CAMK1D: variants seen among roughly 807,000 people sequenced by gnomAD.
CAMK1D encodes the protein calcium/calmodulin-dependent protein kinase type 1D.
In CAMK1D, 9 loss-of-function variants were observed where a neutral mutation model predicts 47.7. That is an observed-to-expected ratio of 0.19 (90% CI 0.11 to 0.33). The LOEUF is 0.33. Ranked by LOEUF, CAMK1D falls within the 10% of genes least tolerant of loss-of-function variation. CAMK1D has a pLI of 1.00. For synonymous variants in CAMK1D, 184 were observed against 184.9 expected, an observed-to-expected ratio of 0.99 and a Z score of 0.04; for missense variants, 291 against 488.7, an observed-to-expected ratio of 0.60 and a Z score of 3.81.
At chr10:12,816,372 A>G in intron 8 of CAMK1D, 44 bp downstream of exon 8, 1 of 1,513,830 alleles carries the variant, frequency 6.6e-7, no homozygotes, top group Non-Finnish European at 9.1e-7. Context: ...ATTTAATGCC[A>G]TCTGGGGGGG....
At chr10:12,559,193 C>A (rs559096277) in intron 2 of CAMK1D, among the ~76,000 whole-genome samples, 40 of 152,012 alleles carry the variant, frequency 2.6e-4, no homozygotes, top group Non-Finnish European at 4.7e-4. Flanking sequence ...GTAGTCCCAT[C>A]TACTCTGGAG....
At chr10:12,657,263 A>G (rs1303718237) in intron 2 of CAMK1D, among the ~76,000 whole-genome samples, 6 of 152,010 alleles carry the variant, frequency 3.9e-5, no homozygotes, top group Non-Finnish European at 8.8e-5. Flanking sequence ...CGTCTCTACT[A>G]AAAATACAAA....
chr10:12,484,781 G>A (rs929250298), intron 1 of CAMK1D, among the ~76,000 whole-genome samples: 1 of 151,086 alleles, frequency 6.6e-6, no homozygotes, highest in Non-Finnish European at 1.5e-5. Context: ...TGTGACTCCA[G>A]TGGAGAGGCC....
intron 3 of CAMK1D, among the ~76,000 whole-genome samples, chr10:12,668,332 G>GT (rs1840497849): frequency 6.6e-6 from 1 of 152,154 alleles, no homozygotes; most frequent in Non-Finnish European, 1.5e-5. Context: ...TTAAATGTGT[G>GT]TTTTTTCATT....
intron 2 of CAMK1D, among the ~76,000 whole-genome samples, chr10:12,567,288 C>T (rs12569767): frequency 6.6e-6 from 1 of 152,182 alleles, no homozygotes; most frequent in Non-Finnish European, 1.5e-5. Flanking sequence ...CTGTTTGATC[C>T]TTTGCTTTCT....
chr10:12,797,078 C>T (rs1253245384), intron 6 of CAMK1D, among the ~76,000 whole-genome samples: 1 of 152,140 alleles, frequency 6.6e-6, no homozygotes, highest in African/African-American at 2.4e-5. Flanking sequence ...GCAGTGGAGG[C>T]GGGTGGCCTT....
chr10:12,564,383 T>C (rs7896375), intron 2 of CAMK1D, among the ~76,000 whole-genome samples: 38,617 of 152,062 alleles, frequency 0.25, 5,040 homozygotes, highest in Middle Eastern at 0.28. Flanking sequence ...ATGATTCATA[T>C]GGCAAATGAA....
chr10:12,553,986 C>T (rs1836676154), intron 2 of CAMK1D, among the ~76,000 whole-genome samples: 1 of 152,248 alleles, frequency 6.6e-6, no homozygotes, highest in African/African-American at 2.4e-5. Flanking sequence ...CTGCCACAGA[C>T]ATGGCGCCTG....
intron 6 of CAMK1D, among the ~76,000 whole-genome samples, chr10:12,799,937 C>T (rs1838356252): frequency 6.6e-6 from 1 of 152,132 alleles, no homozygotes; most frequent in Non-Finnish European, 1.5e-5. Context: ...TTTCCCTTTT[C>T]CTCTCTGGTA....
intron 1 of CAMK1D, among the ~76,000 whole-genome samples, chr10:12,473,295 G>T (rs1335010807): frequency 1.3e-5 from 2 of 152,128 alleles, no homozygotes; most frequent in Non-Finnish European, 2.9e-5. Flanking sequence ...AGTGAACTGA[G>T]GCTGGGTGTG....
chr10:12,658,741 G>C (rs1005859311), intron 2 of CAMK1D, among the ~76,000 whole-genome samples: 1 of 152,072 alleles, frequency 6.6e-6, no homozygotes, highest in African/African-American at 2.4e-5. Context: ...AGTTGGAGGA[G>C]AGCCCAGCCG....
intron 3 of CAMK1D, among the ~76,000 whole-genome samples, chr10:12,747,514 G>T (rs1265099789): frequency 6.6e-6 from 1 of 152,060 alleles, no homozygotes; most frequent in Non-Finnish European, 1.5e-5. Flanking sequence ...AGGGGAGCAG[G>T]GGCTGGTCGT....
At chr10:12,476,765 C>T (rs976828998) in intron 1 of CAMK1D, among the ~76,000 whole-genome samples, 1 of 152,120 alleles carries the variant, frequency 6.6e-6, no homozygotes, top group Non-Finnish European at 1.5e-5. Context: ...TGGGATTAGT[C>T]ATGGCAGCTT....
At chr10:12,574,789 C>T (rs920169936) in intron 2 of CAMK1D, among the ~76,000 whole-genome samples, 1 of 152,090 alleles carries the variant, frequency 6.6e-6, no homozygotes, top group African/African-American at 2.4e-5. Flanking sequence ...CTGGGGATGC[C>T]TCAGAAAGCT....
chr10:12,565,293 C>T (rs1837086193), intron 2 of CAMK1D, among the ~76,000 whole-genome samples: 2 of 149,332 alleles, frequency 1.3e-5, no homozygotes, highest in South Asian at 2.2e-4. Context: ...CCCTGTCACC[C>T]AGGCTGGAGT....
chr10:12,631,329 A>C (rs1588711105), intron 2 of CAMK1D, among the ~76,000 whole-genome samples: 1 of 152,274 alleles, frequency 6.6e-6, no homozygotes, highest in Non-Finnish European at 1.5e-5. Flanking sequence ...CAGCTGTCCT[A>C]GCTTGCTGCA....
chr10:12,436,809 T>TA (rs1832646551), intron 1 of CAMK1D, among the ~76,000 whole-genome samples: 1 of 152,188 alleles, frequency 6.6e-6, no homozygotes, highest in Non-Finnish European at 1.5e-5. Context: ...ACAATACACG[T>TA]ATTAAGTGCC....
At chr10:12,490,367 G>A (rs1278218212) in intron 1 of CAMK1D, among the ~76,000 whole-genome samples, 1 of 152,184 alleles carries the variant, frequency 6.6e-6, no homozygotes, top group Non-Finnish European at 1.5e-5. Flanking sequence ...CCTGTGGTGT[G>A]GAGGGGGAAC....
intron 1 of CAMK1D, among the ~76,000 whole-genome samples, chr10:12,518,632 C>T (rs1202613828): frequency 3.2e-5 from 3 of 94,578 alleles, no homozygotes; most frequent in East Asian, 2.8e-4. Context: ...GAGGACCCTG[C>T]GGCCTTCCGC....
Sources: gnomAD v4.1 joint callset for allele counts (sites outside exome capture counted in the v4.1 genomes callset) on GRCh38, gnomAD v4.1.1 for gene constraint, MANE v1.5 for transcripts, NCBI Gene and HGNC (gene_info 2026-07-23, HGNC 2026-07-21) for gene names.